The following MME variants were observed in gnomAD, a reference collection of about 807,000 sequenced individuals.
The protein encoded by MME is neprilysin.
A neutral mutation model predicts 113.2 loss-of-function variants in MME; 98 were observed. The ratio of observed to expected loss-of-function variants is 0.87; its 90% CI spans 0.74 to 1.02. The LOEUF is 1.02. Among genes scored for constraint, MME ranks in the 50% least tolerant of loss-of-function variants. MME has a pLI of 0.00. For missense variants in MME, 836 were observed against 896.0 expected (o/e 0.93, Z 0.86); for synonymous variants, 292 against 300.6 (o/e 0.97, Z 0.30).
chr3:155,063,664 T>C (rs1714267214), intron 1 of MME, among the ~76,000 whole-genome samples: 1 of 112,820 alleles, frequency 8.9e-6, no homozygotes, highest in South Asian at 2.6e-4. Flanking sequence ...TTATATAACA[T>C]ATTATATATT....
intron 1 of MME, among the ~76,000 whole-genome samples, chr3:155,045,391 G>A (rs1278207274): frequency 5.3e-5 from 8 of 151,906 alleles, no homozygotes; most frequent in South Asian, 4.2e-4. Flanking sequence ...CTCATGATCC[G>A]CCCACCTCAG....
At chr3:155,126,231 A>C (rs1043096958) in intron 8 of MME, among the ~76,000 whole-genome samples, 2 of 152,164 alleles carry the variant, frequency 1.3e-5, no homozygotes, top group Non-Finnish European at 2.9e-5. Flanking sequence ...AAAGTGATTG[A>C]GGAATTTTGG....
At chr3:155,127,197 A>T (rs948433207) in intron 8 of MME, among the ~76,000 whole-genome samples, 2 of 152,086 alleles carry the variant, frequency 1.3e-5, no homozygotes, top group Admixed American at 6.5e-5. Flanking sequence ...AACAAGAAAA[A>T]GTTTACTTCT....
Position 155,116,550 on chromosome 3 carries a change from A to G in MME, c.430A>G (p.Ile144Val). 1 of 1,607,846 alleles carries G rather than the reference A, an allele frequency of 6.2e-7. No homozygotes were observed. Among genetic ancestry groups the G allele is most frequent in the Non-Finnish European group, 8.5e-7 (1 of 1,174,890 alleles). Residue 144 changes from isoleucine to valine, a missense_variant, in exon 5 of 23, where the codon ATA (isoleucine) becomes GTA (valine). Physicochemically the swap from Ile to Val is conservative, Grantham distance 29 (BLOSUM62 3). Coordinates refer to ENST00000360490, the MANE Select transcript of MME (RefSeq NM_007289.4). ...QKAKALYRSC[I>V]NESAIDSRGG... is the part of the protein sequence containing the mutation. ...AGCAAAAGCATTGTACAGGTCTTGT[A>G]TAAATGAATGTAAGTGCTCTTCATT...
At chr3:155,160,605 C>G (rs377690754) in intron 17 of MME, among the ~76,000 whole-genome samples, 157 bp downstream of exon 17, 85 of 152,172 alleles carry the variant, frequency 5.6e-4, no homozygotes, top group African/African-American at 2.0e-3. Flanking sequence ...ATCCGTGTAC[C>G]TTCTTTCACT....
intron 1 of MME, among the ~76,000 whole-genome samples, chr3:155,057,821 T>C (rs1222540226): frequency 6.6e-6 from 1 of 152,016 alleles, no homozygotes; most frequent in East Asian, 1.9e-4. Context: ...ACAGGATGAA[T>C]GGAGGAGGAA....
chr3:155,032,848 C>A (rs1376769799), intron 1 of MME, among the ~76,000 whole-genome samples: 1 of 152,140 alleles, frequency 6.6e-6, no homozygotes, highest in Non-Finnish European at 1.5e-5. Context: ...TTTTGAAGCA[C>A]AGAAGTTTGG....
intron 3 of MME, among the ~76,000 whole-genome samples, chr3:155,096,037 G>A (rs1218744397): frequency 6.6e-6 from 1 of 152,180 alleles, no homozygotes; most frequent in Non-Finnish European, 1.5e-5. Context: ...CTGTATGCAA[G>A]ATGGAGGCAA....
At chr3:155,165,295 A>T (rs768182850) in intron 17 of MME, among the ~76,000 whole-genome samples, 2 of 152,142 alleles carry the variant, frequency 1.3e-5, no homozygotes, top group Non-Finnish European at 2.9e-5. Flanking sequence ...ACATGACCCA[A>T]AATTTGATTA....
At chr3:155,059,479 A>T (rs1714064624) in intron 1 of MME, among the ~76,000 whole-genome samples, 1 of 152,150 alleles carries the variant, frequency 6.6e-6, no homozygotes, top group Admixed American at 6.6e-5. Flanking sequence ...CAGATAAGAA[A>T]ACTTAGGGAA....
intron 1 of MME, among the ~76,000 whole-genome samples, chr3:155,037,935 T>C (rs2108118053): frequency 6.6e-6 from 1 of 152,058 alleles, no homozygotes; most frequent in East Asian, 1.9e-4. Flanking sequence ...GCTGCGTGTG[T>C]GTTGGGGAAT....
rs1212590278 is a variant in MME, at chr3:155,132,692, T to TCA, written c.721-5399_721-5398dup. ...TTGTAATAACTAATTGCTCTCTCAG[T>TCA]CACACACACACAAAATTAAATTTGG... On this transcript the variant is annotated intron_variant, in intron 8 of 22. Transcript: ENST00000360490. Among the ~76,000 whole-genome samples the TCA allele has an allele frequency of 4.6e-5, 7 of 152,068 alleles. No individual in the cohort carries two copies. In the South Asian group the frequency reaches 1.0e-3, roughly 23 times the overall value.
At chr3:155,087,005 GTT>G (rs5853712) in intron 3 of MME, among the ~76,000 whole-genome samples, 42,659 of 140,654 alleles carry the variant, frequency 0.3, 6,911 homozygotes, top group Non-Finnish European at 0.4. Flanking sequence ...GTTTTTTTTT[GTT>G]TTTTTTTTTT....
chr3:155,076,778 G>T (rs987955671), upstream of MME, among the ~76,000 whole-genome samples: 4 of 152,132 alleles, frequency 2.6e-5, no homozygotes, highest in African/African-American at 9.7e-5. Flanking sequence ...GGAACTGAGG[G>T]TCCCTCCCCT....
intron 3 of MME, chr3:155,085,340 G>T: frequency 3.1e-6 from 1 of 320,426 alleles, no homozygotes. Flanking sequence ...AAACTATATC[G>T]CTATTTGTAT....
chr3:155,128,521 G>C (rs1459223891), intron 8 of MME, among the ~76,000 whole-genome samples: 1 of 152,134 alleles, frequency 6.6e-6, no homozygotes, highest in Non-Finnish European at 1.5e-5. Context: ...GTTAATGTCA[G>C]TGTATCATTG....
At chr3:155,179,001 T>C (rs566732993) in intron 22 of MME, among the ~76,000 whole-genome samples, 30 of 152,208 alleles carry the variant, frequency 2.0e-4, no homozygotes, top group Middle Eastern at 6.8e-3. Context: ...GAACAAATCA[T>C]TGTAAATGTG....
chr3:155,054,377 AT>A (rs1186805024), intron 1 of MME, among the ~76,000 whole-genome samples: 6 of 152,056 alleles, frequency 3.9e-5, no homozygotes, highest in Non-Finnish European at 7.4e-5. Context: ...ACTGAGAGGA[AT>A]TTTTTATTCT....
intron 16 of MME, among the ~76,000 whole-genome samples, chr3:155,148,956 A>G (rs1721725450): frequency 6.6e-6 from 1 of 152,152 alleles, no homozygotes; most frequent in Non-Finnish European, 1.5e-5. Flanking sequence ...CCTTAGCTTA[A>G]GTAAGCCAAT....
Sources: allele counts gnomAD v4.1 joint callset (sites outside exome capture counted in the v4.1 genomes callset), GRCh38; gene constraint gnomAD v4.1.1; transcripts MANE v1.5; gene names NCBI Gene and HGNC (gene_info 2026-07-23, HGNC 2026-07-21).